Variants in LRMDA observed in about 807,000 individuals in gnomAD.
LRMDA encodes leucine-rich melanocyte differentiation-associated protein.
Under a neutral mutation model 29.8 loss-of-function variants are expected in LRMDA, and 18 were observed. That is an observed-to-expected ratio of 0.60 (90% CI 0.42 to 0.90). The LOEUF (loss-of-function observed/expected upper bound fraction) is 0.90. Among genes scored for constraint, LRMDA ranks in the 40% least tolerant of loss-of-function variants. The pLI is 0.00. For missense variants in LRMDA, 273 were observed against 273.9 expected (o/e 1.00, Z 0.02); for synonymous variants, 125 against 109.4 (o/e 1.14, Z -0.89).
rs3042518 is a variant in LRMDA, at chr10:75,897,817, C to CTTTTTTT, written c.132-138174_132-138168dup. 8.9e-4 allele frequency among the ~76,000 whole-genome samples: 70 copies of CTTTTTTT among 78,416 alleles called. 4 individuals carry two copies. The highest frequency in any genetic ancestry group is 1.5e-3 in the Admixed American group (8 of 5,274). 51.4% of individuals were successfully genotyped at this position (78,416 alleles called of 152,430 possible). On this transcript the variant is annotated intron_variant, in intron 2 of 6. Transcript: ENST00000611255. ...GTTTTGCTAAAGCACTTCTTCCTGCCTTTTTTTTTTTTTTTTTTTTTTTGA... is the reference window on the plus strand; with the variant it reads ...GTTTTGCTAAAGCACTTCTTCCTGCCTTTTTTTTTTTTTTTTTTTTTTTTTTTTTTGA...
At chr10:76,031,007 T>TG (rs1848139249) in intron 2 of LRMDA, among the ~76,000 whole-genome samples, 1 of 152,014 alleles carries the variant, frequency 6.6e-6, no homozygotes, top group South Asian at 2.1e-4. Context: ...GTTGGAGTGG[T>TG]GGGGGGAGTA....
intron 5 of LRMDA, among the ~76,000 whole-genome samples, chr10:76,134,707 A>G (rs1850061904): frequency 6.6e-6 from 1 of 152,176 alleles, no homozygotes; most frequent in African/African-American, 2.4e-5. Flanking sequence ...GACCCAACAG[A>G]TTCCTTAGTA....
chr10:76,297,166 C>A (rs972964466), intron 5 of LRMDA, among the ~76,000 whole-genome samples: 15 of 152,212 alleles, frequency 9.9e-5, no homozygotes, highest in Admixed American at 1.3e-4. Flanking sequence ...TTATCTTAAT[C>A]TCAATTGATT....
chr10:76,378,858 C>CTTTTTTTTTTTTTTTTTTTTTTTTTTT (rs144037195), intron 6 of LRMDA, among the ~76,000 whole-genome samples: 2 of 118,966 alleles, frequency 1.7e-5, no homozygotes, highest in Non-Finnish European at 3.3e-5. Flanking sequence ...CTTTTTTTTT[C>CTTTTTTTTTTTTTTTTTTTTTTTTTTT]TTTTTTTTTT....
intron 5 of LRMDA, among the ~76,000 whole-genome samples, chr10:76,232,646 T>C (rs930817058): frequency 5.9e-5 from 9 of 152,196 alleles, no homozygotes; most frequent in Admixed American, 5.9e-4. Flanking sequence ...GGCCTCTACC[T>C]GCTGTAGGAG....
intron 5 of LRMDA, among the ~76,000 whole-genome samples, chr10:76,160,201 A>G (rs1234147195): frequency 6.6e-6 from 1 of 151,098 alleles, no homozygotes; most frequent in East Asian, 1.9e-4. Context: ...GCTCTAAGAG[A>G]AGTCTTTTTT....
chr10:75,788,233 A>T (rs1843505924), intron 2 of LRMDA, among the ~76,000 whole-genome samples: 1 of 152,164 alleles, frequency 6.6e-6, no homozygotes, highest in South Asian at 2.1e-4. Flanking sequence ...AGTGGCTTAA[A>T]ATGGGAGTTT....
chr10:76,422,493 T>G (rs1281317806), intron 6 of LRMDA, among the ~76,000 whole-genome samples: 1 of 152,074 alleles, frequency 6.6e-6, no homozygotes, highest in Admixed American at 6.6e-5. Context: ...ATCATCCACA[T>G]TACAAAGACA....
intron 6 of LRMDA, among the ~76,000 whole-genome samples, chr10:76,476,214 G>A (rs999472483): frequency 3.3e-5 from 5 of 151,768 alleles, no homozygotes; most frequent in Non-Finnish European, 5.9e-5. Context: ...ATGACAAAGG[G>A]GATATCACCA....
intron 5 of LRMDA, among the ~76,000 whole-genome samples, chr10:76,156,612 T>C (rs1484925353): frequency 6.6e-6 from 1 of 152,102 alleles, no homozygotes; most frequent in Non-Finnish European, 1.5e-5. Flanking sequence ...ACTCCATGCC[T>C]GGCAGTCCCT....
chr10:76,383,093 G>C (rs1243820322), intron 6 of LRMDA, among the ~76,000 whole-genome samples: 1 of 152,212 alleles, frequency 6.6e-6, no homozygotes, highest in Non-Finnish European at 1.5e-5. Context: ...CACATAAATT[G>C]GGCAATGGTT....
chr10:76,182,630 T>G (rs1290027536), intron 5 of LRMDA, among the ~76,000 whole-genome samples: 2 of 152,118 alleles, frequency 1.3e-5, no homozygotes, highest in Non-Finnish European at 2.9e-5. Flanking sequence ...TTTTATAGTG[T>G]TAAGTTAGCA....
chr10:75,790,390 C>T (rs1843545132), intron 2 of LRMDA, among the ~76,000 whole-genome samples: 1 of 152,152 alleles, frequency 6.6e-6, no homozygotes, highest in African/African-American at 2.4e-5. Context: ...AGACATTTAA[C>T]CCATTGAGTC....
At chr10:76,040,253 G>A (rs773161663) in intron 3 of LRMDA, among the ~76,000 whole-genome samples, 4 of 152,156 alleles carry the variant, frequency 2.6e-5, no homozygotes, top group African/African-American at 7.2e-5. Flanking sequence ...AGCTGGGGCT[G>A]CTGGGAGTCT....
intron 2 of LRMDA, among the ~76,000 whole-genome samples, chr10:75,513,417 C>CT (rs1266582426): frequency 6.6e-6 from 1 of 152,160 alleles, no homozygotes; most frequent in Non-Finnish European, 1.5e-5. Flanking sequence ...GTGTGCCTCT[C>CT]TGTGTTTTGG....
intron 5 of LRMDA, among the ~76,000 whole-genome samples, chr10:76,259,962 T>C (rs1406025706): frequency 6.6e-6 from 1 of 152,124 alleles, no homozygotes; most frequent in African/African-American, 2.4e-5. Context: ...CAAGTCTACA[T>C]ATGTCTTTAC....
intron 2 of LRMDA, among the ~76,000 whole-genome samples, chr10:75,959,708 A>G (rs1846729273): frequency 6.6e-6 from 1 of 152,152 alleles, no homozygotes; most frequent in Admixed American, 6.5e-5. Context: ...ACACACCTAC[A>G]TATATATCAC....
intron 2 of LRMDA, among the ~76,000 whole-genome samples, chr10:75,978,534 G>A (rs750162165): frequency 3.9e-5 from 6 of 152,124 alleles, no homozygotes; most frequent in South Asian, 2.1e-4. Flanking sequence ...AAATGGAATC[G>A]TTTAGCTTGG....
At chr10:75,917,961 GC>G (rs1845962403) in intron 2 of LRMDA, among the ~76,000 whole-genome samples, 1 of 149,930 alleles carries the variant, frequency 6.7e-6, no homozygotes. Context: ...GCACATGTGC[GC>G]ACACACACAC....
Sources: gnomAD v4.1 joint callset for allele counts (sites outside exome capture counted in the v4.1 genomes callset) on GRCh38, gnomAD v4.1.1 for gene constraint, MANE v1.5 for transcripts, NCBI Gene and HGNC (gene_info 2026-07-23, HGNC 2026-07-21) for gene names.